RAB11FIP4: variants seen among roughly 807,000 people sequenced by gnomAD.
The protein encoded by RAB11FIP4 is rab11 family-interacting protein 4.
In RAB11FIP4, 23 loss-of-function variants were observed where a neutral mutation model predicts 74.3. That is an observed-to-expected ratio of 0.31 (90% CI 0.22 to 0.44). The LOEUF (loss-of-function observed/expected upper bound fraction) is 0.44, where lower values mean the gene tolerates loss of function less well. Among genes scored for constraint, RAB11FIP4 ranks in the 20% least tolerant of loss-of-function variants. The pLI is 1.00. For missense variants in RAB11FIP4, 630 were observed against 863.9 expected, an observed-to-expected ratio of 0.73 and a Z score of 3.39; for synonymous variants, 360 against 359.9, an observed-to-expected ratio of 1.00 and a Z score of 0.00.
At chr17:31,471,690 A>G (rs2071738584) in intron 3 of RAB11FIP4, among the ~76,000 whole-genome samples, 1 of 152,032 alleles carries the variant, frequency 6.6e-6, no homozygotes, top group East Asian at 1.9e-4. Context: ...GGGTGTGCAC[A>G]GAAGCAGCTC....
intron 3 of RAB11FIP4, among the ~76,000 whole-genome samples, chr17:31,492,809 A>C (rs1320152120): frequency 6.6e-6 from 1 of 151,776 alleles, no homozygotes; most frequent in Non-Finnish European, 1.5e-5. Flanking sequence ...CCTTGCTCAG[A>C]GGGGTCCCGA....
chr17:31,447,863 C>A (rs977586033), intron 3 of RAB11FIP4, among the ~76,000 whole-genome samples: 2 of 151,782 alleles, frequency 1.3e-5, no homozygotes, highest in African/African-American at 4.8e-5. Flanking sequence ...CTCTAGCACC[C>A]GGGTTGGAGT....
intron 3 of RAB11FIP4, among the ~76,000 whole-genome samples, chr17:31,445,437 C>T (rs1029114052): frequency 1.1e-4 from 17 of 150,318 alleles, no homozygotes; most frequent in African/African-American, 4.2e-4. Context: ...AGGACACTCT[C>T]CTATGTGACC....
intron 13 of RAB11FIP4, 148 bp downstream of exon 13, chr17:31,528,926 C>A: frequency 2.3e-6 from 2 of 856,204 alleles, no homozygotes; most frequent in Non-Finnish European, 3.5e-6. Context: ...GGGCTGACTG[C>A]CCCATTTCAC....
chr17:31,525,044 T>G, intron 9 of RAB11FIP4, 46 bp from the exon 10 acceptor site: 1 of 1,548,722 alleles, frequency 6.5e-7, no homozygotes, highest in Non-Finnish European at 8.7e-7. Flanking sequence ...TGGGTTGGGG[T>G]GAAATGGTGC....
At chr17:31,522,155 G>A (rs911241217) in intron 6 of RAB11FIP4, 106 bp downstream of exon 6, 120 of 1,476,838 alleles carry the variant, frequency 8.1e-5, no homozygotes, top group Non-Finnish European at 1.1e-4. Context: ...CTGGGCAGGT[G>A]AGAGCTCTCA....
At chr17:31,421,489 G>A (rs2071198866) in intron 1 of RAB11FIP4, among the ~76,000 whole-genome samples, 1 of 148,556 alleles carries the variant, frequency 6.7e-6, no homozygotes, top group South Asian at 2.1e-4. Flanking sequence ...AAAGCTCTGG[G>A]ATTACAAACG....
rs546346640 is a variant in RAB11FIP4 at position 31,397,374 on chromosome 17, G to A, written c.159+5363G>A. ...AGAGCATCCTAACTTGGGCAGTGGCGGGGGGTGCAGAATTGACAGGGGCCT... is the reference window on the plus strand; with the variant it reads ...AGAGCATCCTAACTTGGGCAGTGGCAGGGGGTGCAGAATTGACAGGGGCCT... On this transcript the variant is annotated intron_variant, in intron 1 of 14. Transcript: ENST00000621161. Among the ~76,000 whole-genome samples, 10 of 152,310 alleles carry A rather than the reference G, an allele frequency of 6.6e-5. No individual in the cohort carries two copies. In the South Asian group the frequency reaches 1.2e-3, roughly 19 times the overall value.
At chr17:31,445,566 ATATATATATATATTTTTTTTTTTTT>A (rs2071451193) in intron 3 of RAB11FIP4, among the ~76,000 whole-genome samples, 7 of 12,414 alleles carry the variant, frequency 5.6e-4, no homozygotes, top group African/African-American at 1.8e-3. Flanking sequence ...ATATATATAT[ATATATATATATATTTTTTTTTTTTT>A]TTTTTTTTTT....
chr17:31,484,470 G>A (rs2071882088), intron 3 of RAB11FIP4, among the ~76,000 whole-genome samples: 1 of 151,932 alleles, frequency 6.6e-6, no homozygotes, highest in African/African-American at 2.4e-5. Context: ...CTCATAGGTG[G>A]TGCTATGCTC....
intron 9 of RAB11FIP4, 115 bp from the exon 10 acceptor site, chr17:31,524,975 C>T (rs2072737662): frequency 7.8e-7 from 1 of 1,279,888 alleles, no homozygotes; most frequent in East Asian, 2.5e-5. Flanking sequence ...CCCACACGCC[C>T]TCAGTGGACA....
chr17:31,527,604 G>T, intron 10 of RAB11FIP4: 1 of 470,786 alleles, frequency 2.1e-6, no homozygotes, highest in Non-Finnish European at 3.7e-6. Context: ...AAAAAAAAAA[G>T]AAAGAAAATA....
chr17:31,402,208 TCCATCCATCCATCCATCCATCCAC>T (rs1198734812), intron 1 of RAB11FIP4, among the ~76,000 whole-genome samples: 3 of 151,218 alleles, frequency 2.0e-5, no homozygotes, highest in Non-Finnish European at 4.4e-5. Flanking sequence ...CATCCATCCA[TCCATCCATCCATCCATCCATCCAC>T]CCACCATCTA....
At chr17:31,415,320 C>T (rs770268283) in intron 1 of RAB11FIP4, among the ~76,000 whole-genome samples, 7 of 152,168 alleles carry the variant, frequency 4.6e-5, no homozygotes, top group East Asian at 1.9e-4. Context: ...TGGTGACTGA[C>T]GAATCTGCCT....
chr17:31,411,196 T>C (rs2151619379), intron 1 of RAB11FIP4, among the ~76,000 whole-genome samples: 1 of 152,206 alleles, frequency 6.6e-6, no homozygotes, highest in African/African-American at 2.4e-5. Context: ...ACCCCGTCTC[T>C]ACTAAAAATA....
At chr17:31,491,422 G>A (rs1213809646) in intron 3 of RAB11FIP4, among the ~76,000 whole-genome samples, 1 of 152,244 alleles carries the variant, frequency 6.6e-6, no homozygotes, top group Non-Finnish European at 1.5e-5. Flanking sequence ...AGGTAGAGCA[G>A]TAAAACACGG....
chr17:31,514,907 T>G (rs1053310110), intron 3 of RAB11FIP4, among the ~76,000 whole-genome samples: 5 of 152,226 alleles, frequency 3.3e-5, no homozygotes, highest in Admixed American at 1.3e-4. Flanking sequence ...CTCTCCTTGT[T>G]GTCACCATGA....
At chr17:31,404,717 T>C (rs2071026955) in intron 1 of RAB11FIP4, among the ~76,000 whole-genome samples, 2 of 152,062 alleles carry the variant, frequency 1.3e-5, no homozygotes, top group Admixed American at 1.3e-4. Flanking sequence ...TAGGATTCCT[T>C]CCCTGCGGTG....
intron 1 of RAB11FIP4, among the ~76,000 whole-genome samples, chr17:31,396,137 T>G (rs572113507): frequency 6.7e-6 from 1 of 149,758 alleles, no homozygotes; most frequent in East Asian, 2.0e-4. Flanking sequence ...TGAGCTGAGA[T>G]TACATCGCTG....
Sources: allele counts gnomAD v4.1 joint callset (sites outside exome capture counted in the v4.1 genomes callset), GRCh38; gene constraint gnomAD v4.1.1; transcripts MANE v1.5; gene names NCBI Gene and HGNC (gene_info 2026-07-23, HGNC 2026-07-21).